EXTL3: variants seen among roughly 807,000 people sequenced by gnomAD.
EXTL3 encodes the protein exostosin-like 3.
In EXTL3, 27 loss-of-function variants were observed where a neutral mutation model predicts 69.3. That is an observed-to-expected ratio of 0.39 (90% CI 0.29 to 0.54). The LOEUF (loss-of-function observed/expected upper bound fraction) is 0.54. Ranked by LOEUF, EXTL3 falls within the 20% of genes least tolerant of loss-of-function variation. The pLI is 0.69. For synonymous variants in EXTL3, 511 were observed against 499.4 expected, an observed-to-expected ratio of 1.02 and a Z score of -0.31; for missense variants, 1,003 against 1,231.8, an observed-to-expected ratio of 0.81 and a Z score of 2.78.
chr8:28,732,286 G>A (rs1000850205), intron 4 of EXTL3, among the ~76,000 whole-genome samples: 6 of 152,176 alleles, frequency 3.9e-5, no homozygotes, highest in African/African-American at 7.2e-5. Context: ...GGTGAGGTAA[G>A]TACAAAAATT....
At chr8:28,622,535 G>A (rs1806428755), upstream of EXTL3, among the ~76,000 whole-genome samples, 1 of 150,318 alleles carries the variant, frequency 6.7e-6, no homozygotes, top group African/African-American at 2.4e-5. Context: ...CGAGGAAAGG[G>A]CCGGGAGCCG....
At chr8:28,628,605 T>A (rs138813889) in intron 1 of EXTL3, among the ~76,000 whole-genome samples, 23 of 152,326 alleles carry the variant, frequency 1.5e-4, no homozygotes, top group African/African-American at 5.5e-4. Flanking sequence ...TCCTATGGTA[T>A]GTCACGTTAT....
At chr8:28,746,331 G>A (rs1243554689) in intron 6 of EXTL3, among the ~76,000 whole-genome samples, 1 of 152,170 alleles carries the variant, frequency 6.6e-6, no homozygotes, top group Non-Finnish European at 1.5e-5. Context: ...GCTTCATTCA[G>A]GATAAGAGAT....
intron 3 of EXTL3, among the ~76,000 whole-genome samples, chr8:28,720,392 C>T (rs936714529): frequency 3.9e-5 from 6 of 152,232 alleles, no homozygotes; most frequent in South Asian, 2.1e-4. Flanking sequence ...CTGGGCAATA[C>T]GGGCTCCTCT....
At chr8:28,612,183 G>A (rs1806280462) in intron 2 of EXTL3, among the ~76,000 whole-genome samples, 1 of 152,198 alleles carries the variant, frequency 6.6e-6, no homozygotes, top group African/African-American at 2.4e-5. Flanking sequence ...GCCAGGCATG[G>A]TGGCTCACGC....
intron 2 of EXTL3, chr8:28,607,822 G>C (rs1160042080): frequency 1.3e-5 from 2 of 152,338 alleles, no homozygotes; most frequent in Non-Finnish European, 2.9e-5. Context: ...TCTTGAAATA[G>C]GTCATCAAGG....
At chr8:28,619,266 T>TAAA (rs755355444), upstream of EXTL3, among the ~76,000 whole-genome samples, 29 of 64,652 alleles carry the variant, frequency 4.5e-4, 3 homozygotes, top group East Asian at 2.0e-3. Context: ...AGCTTAGTGA[T>TAAA]AAAAAAAAAA....
At chr8:28,708,777 A>G (rs1800973368) in intron 1 of EXTL3, among the ~76,000 whole-genome samples, 1 of 152,178 alleles carries the variant, frequency 6.6e-6, no homozygotes, top group Admixed American at 6.5e-5. Context: ...GAGTTCTGCC[A>G]CTTGATGGGC....
chr8:28,712,074 G>C (rs988160723), intron 1 of EXTL3, among the ~76,000 whole-genome samples: 2 of 152,186 alleles, frequency 1.3e-5, no homozygotes, highest in African/African-American at 4.8e-5. Flanking sequence ...AAGTAAATCA[G>C]TGGGTCGGTG....
chr8:28,651,362 G>T (rs181281084), intron 1 of EXTL3, among the ~76,000 whole-genome samples: 168 of 152,012 alleles, frequency 1.1e-3, no homozygotes, highest in African/African-American at 3.9e-3. Context: ...GTCTAACTTT[G>T]TCCCCCACGC....
intron 1 of EXTL3, among the ~76,000 whole-genome samples, chr8:28,704,934 T>G (rs4732647): frequency 1 from 152,370 of 152,370 alleles, 76,185 homozygotes; most frequent in Non-Finnish European, 1. Context: ...GGATATAGGC[T>G]TGAGCCGCCG....
intron 2 of EXTL3, among the ~76,000 whole-genome samples, chr8:28,611,479 A>G (rs1806270828): frequency 6.6e-6 from 1 of 152,022 alleles, no homozygotes; most frequent in Non-Finnish European, 1.5e-5. Context: ...ATTGACTGTT[A>G]TGGTCTCATC....
Position 28,662,245 on chromosome 8 carries a change from A to G in EXTL3, c.-53+39435A>G, listed in dbSNP as rs148785253. ...TTTTTTTTTCTAAATTTGAATTTCC[A>G]TTCCACTTCCCACACAGCTTTTCCT... On this transcript the variant is annotated intron_variant, in intron 1 of 6. Transcript: ENST00000523149. Among the ~76,000 whole-genome samples the G allele has an allele frequency of 6.2e-4, 94 of 152,168 alleles. No homozygotes were observed. In the East Asian group the frequency reaches 0.013, roughly 22 times the overall value.
chr8:28,725,222 C>T (rs898792407), intron 3 of EXTL3, among the ~76,000 whole-genome samples: 2 of 152,118 alleles, frequency 1.3e-5, no homozygotes, highest in African/African-American at 4.8e-5. Context: ...GGCCAAATTT[C>T]ATAGGTGGCA....
At chr8:28,610,843 A>C (rs1053763408) in intron 2 of EXTL3, among the ~76,000 whole-genome samples, 6 of 150,708 alleles carry the variant, frequency 4.0e-5, no homozygotes, top group African/African-American at 1.5e-4. Context: ...GGTTCAAGTG[A>C]TTCTCCCAGG....
intron 1 of EXTL3, among the ~76,000 whole-genome samples, chr8:28,709,799 G>T (rs545361846): frequency 6.6e-5 from 10 of 152,278 alleles, no homozygotes; most frequent in African/African-American, 2.4e-4. Context: ...TGTGATAAGG[G>T]ATGTGAGAGG....
At chr8:28,658,823 C>T (rs1807056655) in intron 1 of EXTL3, among the ~76,000 whole-genome samples, 1 of 152,160 alleles carries the variant, frequency 6.6e-6, no homozygotes, top group Admixed American at 6.5e-5. Flanking sequence ...TCAAGTGATC[C>T]ACCCACCTCA....
intron 1 of EXTL3, among the ~76,000 whole-genome samples, chr8:28,635,911 G>A (rs1259828729): frequency 6.6e-6 from 1 of 152,042 alleles, no homozygotes; most frequent in African/African-American, 2.4e-5. Context: ...AATAGAGATG[G>A]GGTTTGCCAT....
At chr8:28,679,612 T>G (rs1807448447) in intron 1 of EXTL3, among the ~76,000 whole-genome samples, 5 of 151,932 alleles carry the variant, frequency 3.3e-5, no homozygotes, top group Admixed American at 2.6e-4. Context: ...GAGGCACTCA[T>G]GTAGTCCCAT....
Sources: gnomAD v4.1 joint callset for allele counts (sites outside exome capture counted in the v4.1 genomes callset) on GRCh38, gnomAD v4.1.1 for gene constraint, MANE v1.5 for transcripts, NCBI Gene and HGNC (gene_info 2026-07-23, HGNC 2026-07-21) for gene names.